Variants in L3MBTL3 observed in about 807,000 individuals in gnomAD.
L3MBTL3 encodes L3MBTL histone methyl-lysine binding protein 3.
L3MBTL3 carries 27 observed loss-of-function variants against 102.3 expected under a neutral mutation model. That is an observed-to-expected ratio of 0.26 (90% CI 0.19 to 0.36). L3MBTL3 has a LOEUF of 0.36. Among genes scored for constraint, L3MBTL3 ranks in the 10% least tolerant of loss-of-function variants. The pLI, the probability that L3MBTL3 is intolerant of heterozygous loss-of-function variation, is 1.00. For missense variants in L3MBTL3, 798 were observed against 955.3 expected, an observed-to-expected ratio of 0.84 and a Z score of 2.17; for synonymous variants, 340 against 320.9, an observed-to-expected ratio of 1.06 and a Z score of -0.64.
At chr6:130,068,571 C>A in intron 12 of L3MBTL3, 150 bp downstream of exon 12, 1 of 528,124 alleles carries the variant, frequency 1.9e-6, no homozygotes, top group Non-Finnish European at 3.4e-6. Flanking sequence ...TTAAAATTAG[C>A]TTAAAATCTT....
intron 9 of L3MBTL3, among the ~76,000 whole-genome samples, chr6:130,059,650 T>G (rs1781762354): frequency 6.6e-6 from 1 of 152,232 alleles, no homozygotes; most frequent in African/African-American, 2.4e-5. Context: ...TGTACCAATT[T>G]TCATTCTTCC....
intron 9 of L3MBTL3, 31 bp from the exon 10 acceptor site, chr6:130,060,005 G>C: frequency 8.0e-7 from 1 of 1,244,316 alleles, no homozygotes; most frequent in Non-Finnish European, 1.2e-6. Context: ...TTGGGATAAG[G>C]GACTAAAACT....
At chr6:130,057,710 C>T (rs977259414) in intron 9 of L3MBTL3, among the ~76,000 whole-genome samples, 3 of 152,178 alleles carry the variant, frequency 2.0e-5, no homozygotes, top group East Asian at 1.9e-4. Context: ...CACTGACACA[C>T]GTGTGCTCTT....
intron 19 of L3MBTL3, among the ~76,000 whole-genome samples, chr6:130,107,416 A>G (rs1026414010): frequency 3.9e-5 from 6 of 152,208 alleles, no homozygotes; most frequent in African/African-American, 1.2e-4. Context: ...TGAAAAATAA[A>G]AAAGGTTATG....
At position 130,066,347 on chromosome 6, in the gene L3MBTL3, T is replaced by C; in HGVS notation, c.865-6T>C. On this transcript the variant is annotated splice_region_variant and splice_polypyrimidine_tract_variant and intron_variant, in intron 10 of 22. Transcript: ENST00000361794. ...AAAATAATTCAACCTATTTTACCTGTTTCAGGTTTGTGGATACCGGATAAA... is the reference window on the plus strand; with the variant it reads ...AAAATAATTCAACCTATTTTACCTGCTTCAGGTTTGTGGATACCGGATAAA... The C allele has an allele frequency of 1.3e-6, 2 of 1,556,284 alleles. No individual in the cohort carries two copies. The highest frequency in any genetic ancestry group is 1.7e-6 in the Non-Finnish European group (2 of 1,149,808).
intron 13 of L3MBTL3, among the ~76,000 whole-genome samples, chr6:130,076,258 C>A (rs1381341467): frequency 6.6e-6 from 1 of 152,154 alleles, no homozygotes; most frequent in Non-Finnish European, 1.5e-5. Context: ...AAGCATCTTG[C>A]AATGTTCTCC....
chr6:130,106,545 G>A (rs990106179), intron 19 of L3MBTL3, among the ~76,000 whole-genome samples: 1 of 152,038 alleles, frequency 6.6e-6, no homozygotes, highest in African/African-American at 2.4e-5. Flanking sequence ...CCCTTTTTGC[G>A]GCCCTGGGAA....
chr6:130,123,399 G>A (rs181864866), intron 20 of L3MBTL3, among the ~76,000 whole-genome samples: 2 of 151,832 alleles, frequency 1.3e-5, no homozygotes, highest in African/African-American at 2.4e-5. Flanking sequence ...GTAGTTCAAT[G>A]TGCATGTTTT....
intron 20 of L3MBTL3, 76 bp downstream of exon 20, chr6:130,121,034 A>G: frequency 1.1e-6 from 1 of 875,192 alleles, no homozygotes; most frequent in Non-Finnish European, 1.8e-6. Context: ...ACTGGAATAC[A>G]ACAGTCTCTT....
chr6:130,019,280 C>A (rs1302123379), intron 1 of L3MBTL3: 1 of 139,796 alleles, frequency 7.2e-6, no homozygotes, highest in African/African-American at 2.6e-5. Context: ...GCCCAGGCGG[C>A]GAGCGCGGCC....
intron 7 of L3MBTL3, 157 bp from the exon 8 acceptor site, chr6:130,055,012 AAC>A (rs1278521343): frequency 1.6e-6 from 1 of 613,946 alleles, no homozygotes; most frequent in Non-Finnish European, 2.9e-6. Context: ...GGCCAAAAGC[AAC>A]AGTTTTCAGA....
intron 11 of L3MBTL3, among the ~76,000 whole-genome samples, chr6:130,067,174 T>C (rs1782314700): frequency 6.6e-6 from 1 of 152,112 alleles, no homozygotes; most frequent in African/African-American, 2.4e-5. Flanking sequence ...AGTGCAGTGG[T>C]GTGATATTGG....
intron 2 of L3MBTL3, among the ~76,000 whole-genome samples, chr6:130,030,904 GATA>G (rs1400771042): frequency 1.3e-5 from 2 of 152,028 alleles, no homozygotes; most frequent in Non-Finnish European, 2.9e-5. Flanking sequence ...GGCTGATATT[GATA>G]ATATCCTTTA....
chr6:130,029,323 C>T (rs1779556001), intron 2 of L3MBTL3, among the ~76,000 whole-genome samples: 1 of 152,140 alleles, frequency 6.6e-6, no homozygotes. Flanking sequence ...TTCATACTGG[C>T]CTCTTGCTTT....
intron 9 of L3MBTL3, among the ~76,000 whole-genome samples, chr6:130,059,664 T>G (rs1456852163): frequency 6.6e-6 from 1 of 152,234 alleles, no homozygotes; most frequent in Non-Finnish European, 1.5e-5. Context: ...TTCTTCCTAG[T>G]GATGTATGCG....
chr6:130,040,768 G>A (rs1206381719), intron 2 of L3MBTL3, among the ~76,000 whole-genome samples: 2 of 152,120 alleles, frequency 1.3e-5, no homozygotes, highest in Admixed American at 1.3e-4. Context: ...TAAAAACCAG[G>A]AGCTTGCATC....
intron 5 of L3MBTL3, among the ~76,000 whole-genome samples, chr6:130,051,032 T>C (rs1210560789): frequency 6.6e-6 from 1 of 152,244 alleles, no homozygotes. Flanking sequence ...CAAGCTTTTA[T>C]CCTTTCTGCA....
chr6:130,049,237 C>A lies in L3MBTL3; in HGVS notation c.103-45C>A, dbSNP rs776422751. On this transcript the variant is annotated intron_variant, in intron 3 of 22. Transcript: ENST00000361794. ...CAGCCATTAAATAATTAATGACTTT[C>A]CTGAGCACTTTTTAAATTTTGCCTT... 1.4e-5 allele frequency: 15 copies of A among 1,086,296 alleles called. No individual in the cohort carries two copies. The South Asian group carries it at 1.8e-4, about 13-fold the overall frequency. 67.3% of individuals were successfully genotyped at this position (1,086,296 alleles called of 1,614,324 possible).
intron 19 of L3MBTL3, 143 bp downstream of exon 19, chr6:130,104,718 G>A: frequency 1.9e-6 from 1 of 521,626 alleles, no homozygotes; most frequent in Non-Finnish European, 3.0e-6. Context: ...AATGATGGTA[G>A]AGATCAGTAC....
Sources: gnomAD v4.1 joint callset for allele counts (sites outside exome capture counted in the v4.1 genomes callset) on GRCh38, gnomAD v4.1.1 for gene constraint, MANE v1.5 for transcripts, NCBI Gene and HGNC (gene_info 2026-07-23, HGNC 2026-07-21) for gene names.